The following KCNMA1 variants were observed in gnomAD, a reference collection of about 807,000 sequenced individuals.
The protein encoded by KCNMA1 is Calcium-activated potassium channel subunit alpha-1.
KCNMA1 carries 29 observed loss-of-function variants against 140.0 expected under a neutral mutation model. The observed-to-expected ratio is 0.21, with a 90% confidence interval of 0.15 to 0.28. KCNMA1 has a LOEUF of 0.28. Among genes scored for constraint, KCNMA1 ranks in the 10% least tolerant of loss-of-function variants. The pLI is 1.00. For missense variants in KCNMA1, 880 were observed against 1,602.2 expected (o/e 0.55, Z 7.70); for synonymous variants, 612 against 611.9 (o/e 1.00, Z 0.00).
At chr10:77,557,704 A>G (rs1205174403) in intron 1 of KCNMA1, among the ~76,000 whole-genome samples, 1 of 148,824 alleles carries the variant, frequency 6.7e-6, no homozygotes, top group Non-Finnish European at 1.5e-5. Flanking sequence ...CTAGAGTGGA[A>G]TGCAATGGCA....
chr10:76,897,809 AGTT>A (rs2043230991), intron 25 of KCNMA1, among the ~76,000 whole-genome samples: 1 of 152,050 alleles, frequency 6.6e-6, no homozygotes. Flanking sequence ...TATGTTTTAA[AGTT>A]AGAAAAATGA....
intron 1 of KCNMA1, among the ~76,000 whole-genome samples, chr10:77,624,445 G>A (rs1029416733): frequency 1.3e-5 from 2 of 151,978 alleles, no homozygotes; most frequent in South Asian, 2.1e-4. Context: ...ATTTCCAATG[G>A]GGCCTGTGTC....
At chr10:77,334,802 AAAAT>A (rs1214926384) in intron 2 of KCNMA1, among the ~76,000 whole-genome samples, 3 of 152,358 alleles carry the variant, frequency 2.0e-5, no homozygotes, top group Non-Finnish European at 2.9e-5. Context: ...TAAAAAATGA[AAAAT>A]AAACAAGTAA....
intron 3 of KCNMA1, among the ~76,000 whole-genome samples, chr10:77,212,994 C>T (rs1027415874): frequency 2.0e-5 from 3 of 151,956 alleles, no homozygotes; most frequent in South Asian, 2.1e-4. Flanking sequence ...GGACAATTGC[C>T]GACGTATGCA....
rs536245972 is a variant in KCNMA1 at position 76,953,004 on chromosome 10, A to T, written c.2484+797T>A. 1.6e-4 allele frequency among the ~76,000 whole-genome samples: 25 copies of T among 152,360 alleles called. No individual in the cohort carries two copies. In the South Asian group the frequency reaches 4.6e-3, roughly 28 times the overall value. On this transcript the variant is annotated intron_variant, in intron 21 of 27. Transcript: ENST00000286628. The stretch of plus-strand genomic sequence containing the variant: ...AGCCAGTGTAGGCATTAAGACCCAA[A>T]GCTGTTAATAGAACAAGGGCAGAGA...
chr10:77,202,585 A>G (rs1300327127), intron 3 of KCNMA1, among the ~76,000 whole-genome samples: 1 of 152,186 alleles, frequency 6.6e-6, no homozygotes, highest in Non-Finnish European at 1.5e-5. Flanking sequence ...CCAACAAGTG[A>G]TACCTGCTTA....
intron 3 of KCNMA1, among the ~76,000 whole-genome samples, chr10:77,224,340 G>A (rs754645500): frequency 2.6e-5 from 4 of 152,238 alleles, no homozygotes; most frequent in Non-Finnish European, 4.4e-5. Context: ...TAGAAGTGGA[G>A]TTTTGAGGAT....
chr10:77,122,023 C>G (rs1353094032), intron 5 of KCNMA1, among the ~76,000 whole-genome samples: 1 of 152,224 alleles, frequency 6.6e-6, no homozygotes, highest in African/African-American at 2.4e-5. Context: ...AAAGGCAGTG[C>G]GAAGCCCTCC....
chr10:77,074,452 T>A (rs1291588764), intron 13 of KCNMA1, among the ~76,000 whole-genome samples: 1 of 152,158 alleles, frequency 6.6e-6, no homozygotes, highest in Non-Finnish European at 1.5e-5. Context: ...GGAGGTAGCG[T>A]CTGGAAAAGA....
chr10:77,544,566 T>G (rs1228683952), intron 1 of KCNMA1, among the ~76,000 whole-genome samples: 1 of 152,184 alleles, frequency 6.6e-6, no homozygotes, highest in East Asian at 1.9e-4. Context: ...TATCTTCTAG[T>G]AATAATATCC....
intron 1 of KCNMA1, among the ~76,000 whole-genome samples, chr10:77,521,746 C>T (rs967277298): frequency 2.0e-5 from 3 of 152,154 alleles, no homozygotes; most frequent in African/African-American, 4.8e-5. Context: ...AGTGATGACT[C>T]GGTTGAATGA....
intron 9 of KCNMA1, among the ~76,000 whole-genome samples, chr10:77,097,145 C>T (rs1047291096): frequency 6.6e-6 from 1 of 152,158 alleles, no homozygotes; most frequent in Non-Finnish European, 1.5e-5. Context: ...CCTGGTAGTG[C>T]TTTTCTTGGC....
intron 2 of KCNMA1, among the ~76,000 whole-genome samples, chr10:77,397,373 T>C (rs2096093420): frequency 6.6e-6 from 1 of 152,238 alleles, no homozygotes; most frequent in Non-Finnish European, 1.5e-5. Flanking sequence ...TATTGACATA[T>C]AATAGTGTAC....
At chr10:77,299,169 G>A (rs969094257) in intron 2 of KCNMA1, among the ~76,000 whole-genome samples, 1 of 152,132 alleles carries the variant, frequency 6.6e-6, no homozygotes, top group African/African-American at 2.4e-5. Context: ...TAAAGATGGG[G>A]AAAGTTGAAG....
In KCNMA1 at chr10:77,425,385, C is replaced by T. The variant is rs1351786404; in HGVS notation, c.379-21362G>A. Among the ~76,000 whole-genome samples the T allele has an allele frequency of 3.3e-5, 5 of 152,168 alleles. No individual in the cohort carries two copies. The South Asian group carries it at 6.2e-4, about 19-fold the overall frequency. On this transcript the variant is annotated intron_variant, in intron 1 of 27. Coordinates refer to ENST00000286628, the MANE Select transcript of KCNMA1 (RefSeq NM_001161352.2). ...AGGCTTCTGAGCACTGGTATCTCCC[C>T]AAATAGATGAGACTCCCCATGTGGG...
intron 1 of KCNMA1, among the ~76,000 whole-genome samples, chr10:77,464,003 A>G (rs935194898): frequency 6.6e-6 from 1 of 152,182 alleles, no homozygotes; most frequent in Non-Finnish European, 1.5e-5. Flanking sequence ...TCAGAAAAAC[A>G]GAATCTCAGA....
chr10:77,074,360 T>C (rs144067849), intron 13 of KCNMA1, among the ~76,000 whole-genome samples: 6 of 152,320 alleles, frequency 3.9e-5, no homozygotes, highest in African/African-American at 1.4e-4. Context: ...AGTTCCAGAG[T>C]ACTTGATCCA....
chr10:77,375,915 C>T (rs1022534250), intron 2 of KCNMA1, among the ~76,000 whole-genome samples: 2 of 152,232 alleles, frequency 1.3e-5, no homozygotes, highest in Non-Finnish European at 2.9e-5. Flanking sequence ...CACGACTCAA[C>T]CTCTGCACAG....
chr10:77,443,579 TG>T (rs1459541066), intron 1 of KCNMA1, among the ~76,000 whole-genome samples: 2 of 151,864 alleles, frequency 1.3e-5, no homozygotes, highest in African/African-American at 4.8e-5. Context: ...ATGGAGGGAG[TG>T]GGCTTTGGAA....
Sources: allele counts gnomAD v4.1 joint callset (sites outside exome capture counted in the v4.1 genomes callset), GRCh38; gene constraint gnomAD v4.1.1; transcripts MANE v1.5; gene names NCBI Gene and HGNC (gene_info 2026-07-23, HGNC 2026-07-21).